The following FBXO42 variants were observed in gnomAD, a reference collection of about 807,000 sequenced individuals.
The protein encoded by FBXO42 is F-box only protein 42.
In FBXO42, 12 loss-of-function variants were observed where a neutral mutation model predicts 71.7. That is an observed-to-expected ratio of 0.17 (90% CI 0.11 to 0.27). FBXO42 has a LOEUF of 0.27. Among genes scored for constraint, FBXO42 ranks in the 10% least tolerant of loss-of-function variants. FBXO42 has a pLI of 1.00. For missense variants in FBXO42, 707 were observed against 911.9 expected (o/e 0.78, Z 2.89); for synonymous variants, 325 against 327.5 (o/e 0.99, Z 0.08).
rs1445953304 is a variant in FBXO42, at chr1:16,318,925, C to A, written c.-17-3490G>T. 2.0e-5 allele frequency among the ~76,000 whole-genome samples: 3 copies of A among 152,268 alleles called. No homozygotes were observed. The East Asian group carries it at 5.8e-4, about 29-fold the overall frequency. On this transcript the variant is annotated intron_variant, in intron 1 of 9. Transcript: ENST00000375592. ...CAGAAGGCTCCAAAGCTGAGGCAGA[C>A]CCTAAAGGAGCTAACAGCTTCAGCC...
rs2081593491 is a variant in FBXO42, at chr1:16,251,674, G to A, written c.1150C>T (p.Pro384Ser). The change falls in exon 10 of 10, where the codon CCT becomes TCT. Residue 384 changes from proline to serine, a missense_variant. Pro to Ser is a moderately conservative substitution (Grantham distance 74). Coordinates refer to ENST00000375592, the MANE Select transcript of FBXO42 (RefSeq NM_018994.3). The surrounding 1 kb of genome is among the most constrained non-coding windows in gnomAD (Gnocchi z 4.5). ...PISATPPALV[P>S]ETREYRSQSP... Reference sequence around the variant, plus strand: ...TGAGAGCGGTACTCTCGGGTTTCAGGAACGAGAGCTGGAGGAGTGGCACTG... The same window carrying A: ...TGAGAGCGGTACTCTCGGGTTTCAGAAACGAGAGCTGGAGGAGTGGCACTG... 1 of 1,614,198 alleles carries A rather than the reference G, an allele frequency of 6.2e-7. No homozygotes were observed. Among genetic ancestry groups the A allele is most frequent in the Non-Finnish European group, 8.5e-7 (1 of 1,180,042 alleles).
At chr1:16,288,833 C>T (rs2082048715) in intron 4 of FBXO42, among the ~76,000 whole-genome samples, 1 of 151,818 alleles carries the variant, frequency 6.6e-6, no homozygotes. Context: ...TGGCACACTG[C>T]TGTAATCCCA....
chr1:16,272,296 G>A (rs1472794179), intron 4 of FBXO42, among the ~76,000 whole-genome samples: 1 of 150,204 alleles, frequency 6.7e-6, no homozygotes, highest in African/African-American at 2.5e-5. Flanking sequence ...TTTCGCTCTT[G>A]TTACCCAGGC....
In FBXO42 at chr1:16,252,565, C is replaced by CA. The variant is rs2081604296; in HGVS notation, c.922-162dup. On this transcript the variant is annotated intron_variant, in intron 8 of 9. Transcript: ENST00000375592. The surrounding 1 kb of genome is among the most constrained non-coding windows in gnomAD (Gnocchi z 4.4). ...TCAGTTAATTATTCAGTTGTGCATG[C>CA]ATCCACTTACGCTTTCATTCATTCA... 6.6e-6 allele frequency among the ~76,000 whole-genome samples: 1 copy of CA among 152,256 alleles called. No individual in the cohort carries two copies. The highest frequency in any genetic ancestry group is 1.5e-5 in the Non-Finnish European group (1 of 68,040).
chr1:16,306,433 A>G (rs2082251775), intron 2 of FBXO42, among the ~76,000 whole-genome samples: 1 of 152,218 alleles, frequency 6.6e-6, no homozygotes, highest in Non-Finnish European at 1.5e-5. Flanking sequence ...CATGGAGGTT[A>G]GGTGACATTA....
At chr1:16,302,736 C>T (rs576461908) in intron 3 of FBXO42, among the ~76,000 whole-genome samples, 3 of 152,340 alleles carry the variant, frequency 2.0e-5, no homozygotes, top group Admixed American at 6.5e-5. Flanking sequence ...TTTCAAACTC[C>T]TGACCTCAAG....
chr1:16,266,627 TG>T (rs2081777237), intron 4 of FBXO42, among the ~76,000 whole-genome samples: 1 of 152,142 alleles, frequency 6.6e-6, no homozygotes, highest in Non-Finnish European at 1.5e-5. Context: ...TTTTGTTTTG[TG>T]GTAGTGAGGA....
intron 4 of FBXO42, among the ~76,000 whole-genome samples, chr1:16,269,400 T>C (rs187741405): frequency 6.6e-6 from 1 of 151,608 alleles, no homozygotes; most frequent in African/African-American, 2.4e-5. Flanking sequence ...TTTTTTTTTT[T>C]TTAAGAGAGT....
chr1:16,326,404 C>T (rs975773048), intron 1 of FBXO42, among the ~76,000 whole-genome samples: 1 of 151,320 alleles, frequency 6.6e-6, no homozygotes, highest in Non-Finnish European at 1.5e-5. Flanking sequence ...CTTCTTGAGG[C>T]CAGGTGCAGT....
At chr1:16,317,413 A>G (rs1326152042) in intron 1 of FBXO42, among the ~76,000 whole-genome samples, 3 of 64,700 alleles carry the variant, frequency 4.6e-5, no homozygotes, top group Admixed American at 3.6e-4. Context: ...AGATCGTCTC[A>G]ACAAACAAAC....
rs12078171 is a variant in FBXO42 at position 16,307,251 on chromosome 1, T to A, written c.251-1332A>T. Among the ~76,000 whole-genome samples the A allele has an allele frequency of 9.4e-3, 1,436 of 152,222 alleles. 23 individuals are homozygous for A. The highest frequency in any genetic ancestry group is 0.032 in the African/African-American group (1,345 of 41,548). On this transcript the variant is annotated intron_variant, in intron 2 of 9. Coordinates refer to ENST00000375592, the MANE Select transcript of FBXO42 (RefSeq NM_018994.3). The stretch of plus-strand genomic sequence containing the variant: ...CAGTGGCTCACACCTGTAATCCCAG[T>A]GCTTTAGGAAGCCAAAGCAGAAGGA...
intron 2 of FBXO42, among the ~76,000 whole-genome samples, chr1:16,310,503 C>T (rs2082302544): frequency 6.6e-6 from 1 of 152,068 alleles, no homozygotes; most frequent in Non-Finnish European, 1.5e-5. Context: ...TAGACTCCAG[C>T]GTGGGTGACA....
rs565187841 is a variant in FBXO42 at position 16,348,282 on chromosome 1, G to A, written c.-18+3973C>T. ...AAAAATTCGAAGTTTTTGCAATATA[G>A]GCAACAACACGCTAAATTAATTGTA... On this transcript the variant is annotated intron_variant, in intron 1 of 9. Coordinates refer to ENST00000375592, the MANE Select transcript of FBXO42 (RefSeq NM_018994.3). Among the ~76,000 whole-genome samples the A allele has an allele frequency of 2.0e-5, 3 of 152,152 alleles. No individual in the cohort carries two copies. The South Asian group carries it at 6.2e-4, about 32-fold the overall frequency.
intron 3 of FBXO42, among the ~76,000 whole-genome samples, chr1:16,302,258 G>T (rs1014575418): frequency 5.9e-5 from 9 of 152,178 alleles, no homozygotes; most frequent in Non-Finnish European, 1.3e-4. Flanking sequence ...ATTAAGAAGG[G>T]CAGGCCGGGT....
At chr1:16,283,851 T>A (rs2081992709) in intron 4 of FBXO42, among the ~76,000 whole-genome samples, 1 of 152,158 alleles carries the variant, frequency 6.6e-6, no homozygotes, top group Non-Finnish European at 1.5e-5. Context: ...TTTGGGTTAA[T>A]CTCTAAGCAG....
chr1:16,257,692 T>C (rs2081660157), intron 4 of FBXO42, among the ~76,000 whole-genome samples: 1 of 152,206 alleles, frequency 6.6e-6, no homozygotes. Context: ...ACTTTTTTTT[T>C]CCTTTGGAGG....
At chr1:16,284,548 C>A (rs75241745) in intron 4 of FBXO42, among the ~76,000 whole-genome samples, 96 of 152,158 alleles carry the variant, frequency 6.3e-4, no homozygotes, top group African/African-American at 2.2e-3. Context: ...CTTAAAAAAA[C>A]GAGCTGGGCG....
chr1:16,321,315 C>T (rs1422138619), intron 1 of FBXO42, among the ~76,000 whole-genome samples: 1 of 152,194 alleles, frequency 6.6e-6, no homozygotes, highest in African/African-American at 2.4e-5. Context: ...ATTTGCATAG[C>T]CCTTCTTTTT....
chr1:16,343,877 G>A (rs527696154), intron 1 of FBXO42, among the ~76,000 whole-genome samples: 1 of 151,336 alleles, frequency 6.6e-6, no homozygotes, highest in South Asian at 2.1e-4. Flanking sequence ...TACTCGGGAG[G>A]CTGAGGCAGG....
Sources: allele counts gnomAD v4.1 joint callset (sites outside exome capture counted in the v4.1 genomes callset), GRCh38; gene constraint gnomAD v4.1.1; non-coding constraint Gnocchi (gnomAD v3.1); transcripts MANE v1.5; gene names NCBI Gene and HGNC (gene_info 2026-07-23, HGNC 2026-07-21).